Variants in ARRDC5 observed in about 807,000 individuals in gnomAD.
ARRDC5 encodes arrestin domain containing 5, also known as arrestin domain-containing protein 5.
Under a neutral mutation model 13.3 loss-of-function variants are expected in ARRDC5, and 12 were observed. The observed-to-expected ratio is 0.90, with a 90% confidence interval of 0.58 to 1.46. ARRDC5 has a LOEUF of 1.46. ARRDC5 is among the 40% of genes most tolerant of loss of function. The pLI is 0.00. For synonymous variants in ARRDC5, 181 were observed against 173.4 expected (o/e 1.04, Z -0.34); for missense variants, 406 against 418.7 (o/e 0.97, Z 0.26).
intron 2 of ARRDC5, among the ~76,000 whole-genome samples, chr19:4,893,741 A>C (rs2031596522): frequency 6.7e-6 from 1 of 148,632 alleles, no homozygotes; most frequent in African/African-American, 2.5e-5. Flanking sequence ...AAAAAAAAAA[A>C]AAAAAAAACC....
intron 1 of ARRDC5, among the ~76,000 whole-genome samples, chr19:4,898,589 T>C (rs1199404085): frequency 1.3e-5 from 2 of 151,960 alleles, no homozygotes; most frequent in Non-Finnish European, 2.9e-5. Context: ...CTCGAACTCC[T>C]GACCTCAGAT....
intron 1 of ARRDC5, among the ~76,000 whole-genome samples, chr19:4,900,086 G>A (rs954609195): frequency 1.3e-5 from 2 of 148,632 alleles, no homozygotes; most frequent in African/African-American, 4.9e-5. Flanking sequence ...CCAAAGTGCC[G>A]AGATTACAGG....
chr19:4,894,535 T>A (rs1386996384), intron 2 of ARRDC5, among the ~76,000 whole-genome samples: 18 of 76,780 alleles, frequency 2.3e-4, no homozygotes, highest in Admixed American at 4.4e-4. Flanking sequence ...AAAAAAAAAA[T>A]TAGCCGGGCA....
At position 4,891,148 on chromosome 19, in the gene ARRDC5, C is replaced by T; in HGVS notation, c.885G>A (p.Lys295=). 1 of 1,613,996 alleles carries T rather than the reference C, an allele frequency of 6.2e-7. No homozygotes were observed. The highest frequency in any genetic ancestry group is 1.1e-5 in the South Asian group (1 of 91,076). The change falls in exon 3 of 3, where the codon AAG becomes AAA. Residue 295 remains lysine (K), a synonymous_variant. Transcript: ENST00000650722. ...TGGTGATGATGATGGGAACTTTGGC[C>T]TTGAGGCTGGTCAGGGACCAGGGCA... ...VHLPWSLTSL[K]AKVPIIITSA...
At chr19:4,910,530 A>G in the ARRDC5 span, 5 of 214,492 alleles carry the variant, frequency 2.3e-5, no homozygotes, top group Non-Finnish European at 4.6e-5. Context: ...GAATCAATGA[A>G]TGAATGAATA....
upstream of ARRDC5, among the ~76,000 whole-genome samples, chr19:4,905,752 A>G (rs765206347): frequency 3.3e-5 from 5 of 151,666 alleles, no homozygotes; most frequent in Non-Finnish European, 7.4e-5. Context: ...TCCTGACCTC[A>G]GTGATCCGCC....
chr19:4,901,897 C>CT (rs1234026789), intron 1 of ARRDC5, among the ~76,000 whole-genome samples: 5 of 151,890 alleles, frequency 3.3e-5, no homozygotes, highest in African/African-American at 9.7e-5. Flanking sequence ...CACTATCTTT[C>CT]TTTTTTTGAG....
intron 2 of ARRDC5, among the ~76,000 whole-genome samples, chr19:4,894,510 CAAAAAAAAA>C (rs575777769): frequency 4.8e-4 from 13 of 27,228 alleles, no homozygotes; most frequent in African/African-American, 2.0e-3. Context: ...GACTCCGTCT[CAAAAAAAAA>C]AAAAAAAAAA....
In ARRDC5 at chr19:4,894,700, A is replaced by AAGAAGG. The variant is rs71170875; in HGVS notation, c.459+1965_459+1970dup. Among the ~76,000 whole-genome samples, 65 of 144,718 alleles carry AAGAAGG rather than the reference A, an allele frequency of 4.5e-4. No individual in the cohort carries two copies. In the East Asian group the frequency reaches 0.011, roughly 24 times the overall value. 94.9% of individuals were successfully genotyped at this position (144,718 alleles called of 152,430 possible). On this transcript the variant is annotated intron_variant, in intron 2 of 2. Coordinates refer to ENST00000650722, the MANE Select transcript of ARRDC5 (RefSeq NM_001080523.3). ...CTGTCTCAAAAAAAAAAAAAAGAAGAAGAAGGAGAAGGAGAAGGAGAAGAA... is the reference window on the plus strand; with the variant it reads ...CTGTCTCAAAAAAAAAAAAAAGAAGAAGAAGGAGAAGGAGAAGGAGAAGGAGAAGAA...
chr19:4,896,530 G>T, intron 2 of ARRDC5, 141 bp downstream of exon 2: 1 of 636,686 alleles, frequency 1.6e-6, no homozygotes, highest in Non-Finnish European at 2.8e-6. Flanking sequence ...CTCACCTTTT[G>T]TGAAATCTCG....
chr19:4,909,912 G>T, the ARRDC5 span, among the ~76,000 whole-genome samples: 1 of 151,344 alleles, frequency 6.6e-6, no homozygotes, highest in Non-Finnish European at 1.5e-5. Context: ...CTGGCGAGCC[G>T]CCGGGGAGGA....
chr19:4,909,542 C>G, the ARRDC5 span: 1 of 658,520 alleles, frequency 1.5e-6, no homozygotes, highest in Non-Finnish European at 2.7e-6. Context: ...GCCGAGCGGG[C>G]GCTCCGGGTC....
At chr19:4,899,803 G>C (rs2031855959) in intron 1 of ARRDC5, among the ~76,000 whole-genome samples, 1 of 148,392 alleles carries the variant, frequency 6.7e-6, no homozygotes, top group African/African-American at 2.5e-5. Context: ...GCCAGGCGTG[G>C]TGGCGGGCAC....
chr19:4,903,076 G>C (rs79563363), upstream of ARRDC5: 3 of 458,118 alleles, frequency 6.5e-6, no homozygotes, highest in South Asian at 6.8e-5. Flanking sequence ...GCCCAGGCTG[G>C]AGTGCAGGGG....
At chr19:4,896,408 A>ATATG (rs2031736145) in intron 2 of ARRDC5, among the ~76,000 whole-genome samples, 1 of 125,050 alleles carries the variant, frequency 8.0e-6, no homozygotes, top group Non-Finnish European at 1.7e-5. Context: ...ACACACACAT[A>ATATG]TATATAATTT....
chr19:4,898,665 C>CTTTTTTTTTTTTTTTT lies in ARRDC5; in HGVS notation c.254-1790_254-1789insAAAAAAAAAAAAAAAA, dbSNP rs71170878. Among the ~76,000 whole-genome samples, 9 of 130,592 alleles carry CTTTTTTTTTTTTTTTT rather than the reference C, an allele frequency of 6.9e-5. 1 individual carries two copies. Among genetic ancestry groups the CTTTTTTTTTTTTTTTT allele is most frequent in the Non-Finnish European group, 8.2e-5 (5 of 60,978 alleles). 85.7% of individuals were successfully genotyped at this position (130,592 alleles called of 152,430 possible). On this transcript the variant is annotated intron_variant, in intron 1 of 2. Coordinates refer to ENST00000650722, the MANE Select transcript of ARRDC5 (RefSeq NM_001080523.3). ...GCATAAGCCATCAGGCGGGCTTGGC[C>CTTTTTTTTTTTTTTTT]TTTTTTTTTTTTTTTGAGACAGGGT...
chr19:4,896,784 C>G lies in ARRDC5; in HGVS notation c.346G>C (p.Val116Leu), dbSNP rs772205563. The G allele has an allele frequency of 3.2e-5, 52 of 1,613,722 alleles. 1 individual carries two copies. The highest frequency in any genetic ancestry group is 4.1e-5 in the Non-Finnish European group (48 of 1,179,832). ...PSTFTSKFGH[V>L]FYFVQASCMG... ...CAGGAAGCTTGTACGAAATAGAAGACATGGCCAAATTTGCTGGTGAAGGTA... is the reference window on the plus strand; with the variant it reads ...CAGGAAGCTTGTACGAAATAGAAGAGATGGCCAAATTTGCTGGTGAAGGTA... The change falls in exon 2 of 3, where the codon GTC (valine) becomes CTC (leucine). Residue 116 changes from valine (V) to leucine (L), a missense_variant. Physicochemically the swap from Val to Leu is conservative, Grantham distance 32 (BLOSUM62 1). Transcript: ENST00000650722.
intron 2 of ARRDC5, among the ~76,000 whole-genome samples, chr19:4,893,783 CTGTAA>C (rs2031599425): frequency 6.6e-6 from 1 of 150,448 alleles, no homozygotes; most frequent in African/African-American, 2.4e-5. Flanking sequence ...TGGCTCACCC[CTGTAA>C]TCCCAGCACT....
In ARRDC5 at chr19:4,891,337, G is replaced by T; in HGVS notation, c.696C>A (p.Asp232Glu). The change falls in exon 3 of 3, where the codon GAC becomes GAA. Residue 232 changes from aspartate (D) to glutamate (E), a missense_variant. By Grantham distance (45) the Asp-to-Glu change is conservative (BLOSUM62 2). Transcript: ENST00000650722. ...CCTCCTGCCTCAGAAGCTCGCTGCT[G>T]TCCAGCCGAGACCGCCGCTCTGCAC... ...TPSAERRSRLDSSELLRQEAN... is the reference protein window; with the variant it reads ...TPSAERRSRLESSELLRQEAN... The T allele has an allele frequency of 1.2e-6, 2 of 1,613,828 alleles. No individual in the cohort carries two copies. The highest frequency in any genetic ancestry group is 1.7e-6 in the Non-Finnish European group (2 of 1,179,864).
Sources: gnomAD v4.1 joint callset for allele counts (sites outside exome capture counted in the v4.1 genomes callset) on GRCh38, gnomAD v4.1.1 for gene constraint, MANE v1.5 for transcripts, NCBI Gene and HGNC (gene_info 2026-07-23, HGNC 2026-07-21) for gene names.